Variants in MAP2K2 observed in about 807,000 individuals in gnomAD.
MAP2K2 encodes mitogen-activated protein kinase kinase 2.
In MAP2K2, 24 loss-of-function variants were observed where a neutral mutation model predicts 43.7. The observed-to-expected ratio is 0.55, with a 90% CI of 0.40 to 0.77. The LOEUF (loss-of-function observed/expected upper bound fraction) is 0.77. MAP2K2 is among the 30% of genes least tolerant of loss of function. The pLI is 0.00. For synonymous variants in MAP2K2, 244 were observed against 239.7 expected (o/e 1.02, Z -0.17); for missense variants, 470 against 566.8 (o/e 0.83, Z 1.73).
chr19:4,110,850 G>A (rs989085419), intron 2 of MAP2K2, among the ~76,000 whole-genome samples, 195 bp from the exon 3 acceptor site: 1 of 152,166 alleles, frequency 6.6e-6, no homozygotes, highest in East Asian at 1.9e-4. Flanking sequence ...AGTGCTCACA[G>A]CAGCACGACT....
intron 1 of MAP2K2, among the ~76,000 whole-genome samples, chr19:4,118,330 C>CT (rs2041253476): frequency 6.6e-6 from 1 of 152,150 alleles, no homozygotes; most frequent in Non-Finnish European, 1.5e-5. Context: ...GCCAAGATGT[C>CT]TGTCTTTGCA....
intron 2 of MAP2K2, among the ~76,000 whole-genome samples, chr19:4,112,864 C>T (rs1484057374): frequency 6.6e-6 from 1 of 152,222 alleles, no homozygotes; most frequent in African/African-American, 2.4e-5. Flanking sequence ...ACTCCCGTTG[C>T]ACAAGGGCCT....
rs2041001294 is a variant in MAP2K2 at position 4,101,067 on chromosome 19, G to A, written c.657C>T (p.Leu219=). 1 of 1,590,254 alleles carries A rather than the reference G, an allele frequency of 6.3e-7. No individual in the cohort carries two copies. The highest frequency in any genetic ancestry group is 1.3e-5 in the African/African-American group (1 of 74,238). Residue 219 remains leucine, a synonymous_variant, in exon 6 of 11, where the codon CTC becomes CTT. Coordinates refer to ENST00000262948, the MANE Select transcript of MAP2K2 (RefSeq NM_030662.4). This position sits in a 1 kb window ranked among gnomAD's most constrained non-coding sequence, Gnocchi z 6.3. ...CGAAGGAGTTGGCCATGGAGTCGAT[G>A]AGCTGGCCGCTCACCCCGAAGTCAC... ...KLCDFGVSGQ[L]IDSMANSFVG...
Position 4,090,496 on chromosome 19 carries a change from G to A in MAP2K2, c.*102C>T. On this transcript the variant is annotated 3_prime_UTR_variant, in exon 11 of 11. Transcript: ENST00000262948. ...CGGTGCTCTCCGCAGGGGTGAGGCAGGAGGGTGGGTGGAGGCGCCAGCCTG... is the reference window on the plus strand; with the variant it reads ...CGGTGCTCTCCGCAGGGGTGAGGCAAGAGGGTGGGTGGAGGCGCCAGCCTG... The A allele has an allele frequency of 1.0e-6, 1 of 993,064 alleles. No individual in the cohort carries two copies. Among genetic ancestry groups the A allele is most frequent in the South Asian group, 1.4e-5 (1 of 72,144 alleles). The allele number at this position is 993,064 out of a possible 1,614,324, so 61.5% of individuals were successfully genotyped here.
In MAP2K2 at chr19:4,117,649, T is replaced by G. The variant is rs189388604; in HGVS notation, c.93-20A>C. 4.1e-4 allele frequency: 668 copies of G among 1,612,120 alleles called. 2 individuals carry two copies. The highest frequency in any genetic ancestry group is 2.3e-3 in the Admixed American group (138 of 60,010). On this transcript the variant is annotated intron_variant, in intron 1 of 10. Coordinates refer to ENST00000262948, the MANE Select transcript of MAP2K2 (RefSeq NM_030662.4). The stretch of plus-strand genomic sequence containing the variant: ...TTTGCCCTGCAGAGACCCCCCAGGG[T>G]AGGGGTTAGCTACCTAGGGAGACTC...
At chr19:4,111,041 A>G (rs1367045277) in intron 2 of MAP2K2, among the ~76,000 whole-genome samples, 1 of 152,200 alleles carries the variant, frequency 6.6e-6, no homozygotes, top group Non-Finnish European at 1.5e-5. Flanking sequence ...CAGACACAAA[A>G]GGCCACATAA....
At chr19:4,102,282 A>C in intron 4 of MAP2K2, 94 bp downstream of exon 4, 1 of 1,107,872 alleles carries the variant, frequency 9.0e-7, no homozygotes. Context: ...CCTAACCCCC[A>C]CCACACTGTG....
At chr19:4,097,175 C>CTCTT in intron 8 of MAP2K2, 104 bp downstream of exon 8, 1 of 853,054 alleles carries the variant, frequency 1.2e-6, no homozygotes, top group Non-Finnish European at 1.8e-6. Context: ...GCCTTGGTGA[C>CTCTT]TCTTGCTCTG....
At chr19:4,095,275 C>CG in intron 9 of MAP2K2, 113 bp downstream of exon 9, 1 of 922,310 alleles carries the variant, frequency 1.1e-6, no homozygotes, top group Non-Finnish European at 1.7e-6. Context: ...TCCTGCCTAA[C>CG]GCTGCACTGG....
intron 7 of MAP2K2, among the ~76,000 whole-genome samples, chr19:4,098,280 GGA>G (rs1157535694): frequency 6.6e-6 from 1 of 152,170 alleles, no homozygotes; most frequent in Non-Finnish European, 1.5e-5. Context: ...GGAAGGGGAT[GGA>G]GAGTGACAGC....
intron 3 of MAP2K2, among the ~76,000 whole-genome samples, chr19:4,109,076 T>A (rs1343667935): frequency 6.6e-6 from 1 of 152,156 alleles, no homozygotes; most frequent in African/African-American, 2.4e-5. Context: ...CCTGCCTTCA[T>A]TACAAAACTG....
At chr19:4,105,112 G>C (rs1440486015) in intron 3 of MAP2K2, among the ~76,000 whole-genome samples, 1 of 150,862 alleles carries the variant, frequency 6.6e-6, no homozygotes, top group Non-Finnish European at 1.5e-5. Context: ...GCTGTGTACT[G>C]CTGACCCCAA....
chr19:4,095,051 G>A (rs753812841), intron 9 of MAP2K2: 19 of 372,212 alleles, frequency 5.1e-5, no homozygotes, highest in Non-Finnish European at 4.5e-5. Context: ...CAGAACCTGC[G>A]GGCGGATCCC....
chr19:4,115,986 C>T lies in MAP2K2; in HGVS notation c.303+1433G>A, dbSNP rs1599305630. On this transcript the variant is annotated intron_variant, in intron 2 of 10. Transcript: ENST00000262948. The surrounding 1 kb of genome is among the most constrained non-coding windows in gnomAD (Gnocchi z 4.1). Reference sequence around the variant, plus strand: ...AGAGCACAGAGGCTGCATCATGGCCCAGGAGCCCGGGATGACTAAGCACGG... The same window carrying T: ...AGAGCACAGAGGCTGCATCATGGCCTAGGAGCCCGGGATGACTAAGCACGG... 1.3e-5 allele frequency among the ~76,000 whole-genome samples: 2 copies of T among 152,298 alleles called. No homozygotes were observed. The highest frequency in any genetic ancestry group is 2.9e-5 in the Non-Finnish European group (2 of 68,014).
intron 2 of MAP2K2, among the ~76,000 whole-genome samples, chr19:4,113,916 C>T (rs1200050096): frequency 1.3e-5 from 2 of 152,200 alleles, no homozygotes; most frequent in Non-Finnish European, 2.9e-5. Flanking sequence ...GGATCAGAAA[C>T]TGACAGCTCC....
intron 10 of MAP2K2, among the ~76,000 whole-genome samples, chr19:4,093,548 G>A (rs1053948698): frequency 3.9e-5 from 6 of 151,988 alleles, no homozygotes; most frequent in East Asian, 1.9e-4. Flanking sequence ...AAAATTAGCC[G>A]GGTGTGGTGG....
At chr19:4,095,275 C>CGCTGCA (rs1292439517) in intron 9 of MAP2K2, 113 bp downstream of exon 9, 1 of 922,186 alleles carries the variant, frequency 1.1e-6, no homozygotes, top group Non-Finnish European at 1.7e-6. Context: ...TCCTGCCTAA[C>CGCTGCA]GCTGCACTGG....
chr19:4,121,009 A>AG (rs1372412507), intron 1 of MAP2K2, among the ~76,000 whole-genome samples: 1 of 152,026 alleles, frequency 6.6e-6, no homozygotes, highest in Non-Finnish European at 1.5e-5. Context: ...CTGGTTCTTG[A>AG]GGGGTCACAC....
chr19:4,096,204 G>A (rs1456560878), intron 8 of MAP2K2, among the ~76,000 whole-genome samples: 3 of 152,358 alleles, frequency 2.0e-5, no homozygotes, highest in East Asian at 1.9e-4. Context: ...GGGCAGGGGC[G>A]GGAAGAGGCG....
Sources: allele counts gnomAD v4.1 joint callset (sites outside exome capture counted in the v4.1 genomes callset), GRCh38; gene constraint gnomAD v4.1.1; non-coding constraint Gnocchi (gnomAD v3.1); transcripts MANE v1.5; gene names NCBI Gene and HGNC (gene_info 2026-07-23, HGNC 2026-07-21).